Variants in ACTR3B observed in about 807,000 individuals in gnomAD.
ACTR3B encodes the protein actin-related protein 3B.
In ACTR3B, 8 loss-of-function variants were observed where a neutral mutation model predicts 59.0. The observed-to-expected ratio is 0.14, with a 90% CI of 0.08 to 0.24. ACTR3B has a LOEUF of 0.24. Ranked by LOEUF, ACTR3B falls within the 10% of genes least tolerant of loss-of-function variation. ACTR3B has a pLI of 1.00. For missense variants in ACTR3B, 245 were observed against 552.3 expected, an observed-to-expected ratio of 0.44 and a Z score of 5.58; for synonymous variants, 148 against 197.9, an observed-to-expected ratio of 0.75 and a Z score of 2.12.
At chr7:152,803,382 AACTG>A (rs1378295939) in intron 4 of ACTR3B, among the ~76,000 whole-genome samples, 1 of 152,224 alleles carries the variant, frequency 6.6e-6, no homozygotes, top group Non-Finnish European at 1.5e-5. Flanking sequence ...GGAGCCAAGA[AACTG>A]ACTGTGTGTG....
chr7:152,826,243 T>C (rs1796564122), intron 9 of ACTR3B, among the ~76,000 whole-genome samples: 1 of 152,180 alleles, frequency 6.6e-6, no homozygotes, highest in African/African-American at 2.4e-5. Context: ...AAAAAGGAAC[T>C]TGTAAAATTT....
rs189671089 is a variant in ACTR3B at position 152,769,619 on chromosome 7, A to G, written c.44+9693A>G. Among the ~76,000 whole-genome samples, 481 of 152,276 alleles carry G rather than the reference A, an allele frequency of 3.2e-3. 3 individuals are homozygous for G. Among genetic ancestry groups the G allele is most frequent in the Non-Finnish European group, 3.8e-3 (257 of 68,036 alleles). On this transcript the variant is annotated intron_variant, in intron 1 of 11. Coordinates refer to ENST00000256001, the MANE Select transcript of ACTR3B (RefSeq NM_020445.6). ...TTATATGTATTGATATGATTGATAT[A>G]TTTGGCCTCAGTTTTGCAATATTTA...
intron 4 of ACTR3B, among the ~76,000 whole-genome samples, chr7:152,809,843 CACACAG>C (rs2098264249): frequency 6.6e-6 from 1 of 151,924 alleles, no homozygotes; most frequent in Admixed American, 6.6e-5. Context: ...GCCCAGCTAG[CACACAG>C]TTTTATTTTA....
chr7:152,842,242 C>T (rs1366977205), intron 9 of ACTR3B, among the ~76,000 whole-genome samples: 6 of 152,090 alleles, frequency 3.9e-5, no homozygotes, highest in African/African-American at 1.4e-4. Context: ...ATAAATTAGG[C>T]ACAGTAAGAG....
At chr7:152,792,296 C>T (rs772418779) in intron 2 of ACTR3B, among the ~76,000 whole-genome samples, 18 of 152,072 alleles carry the variant, frequency 1.2e-4, no homozygotes, top group South Asian at 4.1e-4. Flanking sequence ...ATTTAGAAAA[C>T]GCAAGAGGAA....
intron 1 of ACTR3B, 21 bp downstream of exon 1, chr7:152,759,947 A>AC (rs1160662683): frequency 7.4e-7 from 1 of 1,352,534 alleles, no homozygotes; most frequent in South Asian, 1.7e-5. Context: ...CTCGGCGCCC[A>AC]CCCCCGCTCC....
chr7:152,774,644 C>G (rs549561197), intron 1 of ACTR3B, among the ~76,000 whole-genome samples: 19 of 151,652 alleles, frequency 1.3e-4, no homozygotes, highest in Admixed American at 9.2e-4. Flanking sequence ...GCTTTATGAT[C>G]TTATATATAC....
chr7:152,838,946 A>G (rs1797675418), intron 9 of ACTR3B, among the ~76,000 whole-genome samples: 1 of 152,156 alleles, frequency 6.6e-6, no homozygotes, highest in Non-Finnish European at 1.5e-5. Context: ...AAGTATATCC[A>G]GAGGAGCATC....
chr7:152,796,903 A>T (rs1357699789), intron 2 of ACTR3B, among the ~76,000 whole-genome samples: 1 of 93,404 alleles, frequency 1.1e-5, no homozygotes, highest in Non-Finnish European at 2.0e-5. Flanking sequence ...TTTTTTGTAG[A>T]GACGGGTTTT....
chr7:152,787,131 T>C (rs1049626804), intron 2 of ACTR3B, among the ~76,000 whole-genome samples: 4 of 152,204 alleles, frequency 2.6e-5, no homozygotes, highest in Non-Finnish European at 4.4e-5. Flanking sequence ...GAGGCTGTTC[T>C]GATGGATATC....
chr7:152,838,908 A>G (rs1177995660), intron 9 of ACTR3B, among the ~76,000 whole-genome samples: 1 of 152,156 alleles, frequency 6.6e-6, no homozygotes, highest in Non-Finnish European at 1.5e-5. Flanking sequence ...GGGAGTCCAC[A>G]TTATAAGAGG....
At chr7:152,826,024 T>C (rs1361555709) in intron 9 of ACTR3B, among the ~76,000 whole-genome samples, 2 of 152,186 alleles carry the variant, frequency 1.3e-5, no homozygotes, top group Non-Finnish European at 1.5e-5. Context: ...AGTCTTTGCT[T>C]GAGTGAGTCG....
At chr7:152,851,393 T>A (rs1259971000) in intron 9 of ACTR3B, among the ~76,000 whole-genome samples, 1 of 152,094 alleles carries the variant, frequency 6.6e-6, no homozygotes, top group Non-Finnish European at 1.5e-5. Context: ...CTGACATACA[T>A]CAGAAGAGGA....
chr7:152,775,482 T>A (rs1468309251), intron 1 of ACTR3B, among the ~76,000 whole-genome samples: 7 of 151,992 alleles, frequency 4.6e-5, no homozygotes, highest in Non-Finnish European at 7.4e-5. Context: ...TGGGGCAGGC[T>A]GGGCGTGATA....
chr7:152,840,866 C>A (rs1452886622), intron 9 of ACTR3B, among the ~76,000 whole-genome samples: 587 of 5,906 alleles, frequency 0.099, no homozygotes, highest in South Asian at 0.16. Context: ...GAAGTACGAG[C>A]CAGCTCCCTC....
chr7:152,804,476 A>C (rs1404964132), intron 4 of ACTR3B, among the ~76,000 whole-genome samples: 4 of 152,058 alleles, frequency 2.6e-5, no homozygotes, highest in Non-Finnish European at 4.4e-5. Context: ...CCACGTGGCC[A>C]GTTTTGTGTT....
At chr7:152,821,696 T>A (rs2260615) in intron 7 of ACTR3B, among the ~76,000 whole-genome samples, 21,178 of 146,282 alleles carry the variant, frequency 0.14, no homozygotes, top group African/African-American at 0.26. Context: ...GTCTCCCCCC[T>A]GTGAAGGCTG....
intron 7 of ACTR3B, among the ~76,000 whole-genome samples, chr7:152,821,783 A>T (rs1041588993): frequency 6.6e-6 from 1 of 152,062 alleles, no homozygotes; most frequent in Non-Finnish European, 1.5e-5. Context: ...GTTAGTTCTC[A>T]CCTCACTTCT....
At chr7:152,850,143 A>ACTTCTCCAGGTGGAAGGCCAG (rs1798679867) in intron 9 of ACTR3B, among the ~76,000 whole-genome samples, 1 of 144,384 alleles carries the variant, frequency 6.9e-6, no homozygotes, top group South Asian at 2.2e-4. Flanking sequence ...ATCTCTGGTC[A>ACTTCTCCAGGTGGAAGGCCAG]CTTCTCCAGG....
Sources: allele counts gnomAD v4.1 joint callset (sites outside exome capture counted in the v4.1 genomes callset), GRCh38; gene constraint gnomAD v4.1.1; transcripts MANE v1.5; gene names NCBI Gene and HGNC (gene_info 2026-07-23, HGNC 2026-07-21).